MYO5A: variants seen among roughly 807,000 people sequenced by gnomAD.
The protein encoded by MYO5A is unconventional myosin-Va.
A neutral mutation model predicts 249.7 loss-of-function variants in MYO5A; 98 were observed. The observed-to-expected ratio is 0.39, with a 90% CI of 0.33 to 0.46. The LOEUF (loss-of-function observed/expected upper bound fraction) is 0.46, where lower values mean the gene tolerates loss of function less well. Among genes scored for constraint, MYO5A ranks in the 20% least tolerant of loss-of-function variants. The probability of loss-of-function intolerance (pLI) is 0.98; values close to 1 mark genes in which losing one functional copy is unlikely to be tolerated. For missense variants in MYO5A, 1,696 were observed against 2,308.8 expected (o/e 0.73, Z 5.44); for synonymous variants, 778 against 810.6 (o/e 0.96, Z 0.68).
intron 4 of MYO5A, among the ~76,000 whole-genome samples, chr15:52,423,166 C>T (rs2075318071): frequency 6.6e-6 from 1 of 152,110 alleles, no homozygotes; most frequent in Admixed American, 6.5e-5. Context: ...ATTGTACCTT[C>T]CCTGAAGACA....
chr15:52,448,139 G>A (rs530188876), intron 1 of MYO5A, among the ~76,000 whole-genome samples: 33 of 152,262 alleles, frequency 2.2e-4, no homozygotes, highest in Non-Finnish European at 4.3e-4. Flanking sequence ...GAGAGCAGCT[G>A]TGGGGTGGGG....
At chr15:52,332,296 C>T (rs1352785137) in intron 34 of MYO5A, among the ~76,000 whole-genome samples, 2 of 152,152 alleles carry the variant, frequency 1.3e-5, no homozygotes, top group Non-Finnish European at 2.9e-5. Flanking sequence ...TTATGAAATA[C>T]AGTATTTTAT....
intron 1 of MYO5A, among the ~76,000 whole-genome samples, chr15:52,474,908 A>C (rs986052090): frequency 2.0e-5 from 3 of 152,202 alleles, no homozygotes; most frequent in African/African-American, 7.2e-5. Flanking sequence ...TCATAAAATG[A>C]GTTAGGGAGG....
intron 1 of MYO5A, among the ~76,000 whole-genome samples, chr15:52,439,233 C>T (rs1266590812): frequency 6.6e-6 from 1 of 151,984 alleles, no homozygotes; most frequent in Non-Finnish European, 1.5e-5. Flanking sequence ...CTGCCACCAT[C>T]TTGGGAGCTC....
chr15:52,410,766 C>T (rs901826778), intron 5 of MYO5A, among the ~76,000 whole-genome samples: 3 of 151,858 alleles, frequency 2.0e-5, no homozygotes, highest in East Asian at 1.9e-4. Flanking sequence ...TTAGCAGAGA[C>T]GGGGTTTCAC....
chr15:52,319,600 G>A lies in MYO5A; in HGVS notation c.4952-258C>T, dbSNP rs1302948025. ...ACAAAAATTAGCCAGGCGTGGTAGCGTGTGCCTGTAATCCCAGCTACTCAG... is the reference window on the plus strand; with the variant it reads ...ACAAAAATTAGCCAGGCGTGGTAGCATGTGCCTGTAATCCCAGCTACTCAG... On this transcript the variant is annotated intron_variant, in intron 38 of 41. Coordinates refer to ENST00000399233, the MANE Select transcript of MYO5A (RefSeq NM_001382347.1). Among the ~76,000 whole-genome samples, 4 of 152,202 alleles carry A rather than the reference G, an allele frequency of 2.6e-5. No individual in the cohort carries two copies. The East Asian group carries it at 5.8e-4, about 22-fold the overall frequency.
chr15:52,357,889 A>G (rs2040327309), intron 25 of MYO5A, among the ~76,000 whole-genome samples: 1 of 152,218 alleles, frequency 6.6e-6, no homozygotes, highest in African/African-American at 2.4e-5. Context: ...CTAGTCTCTC[A>G]TCTGAGGAAA....
chr15:52,466,434 T>C (rs1275325081), intron 1 of MYO5A, among the ~76,000 whole-genome samples: 1 of 152,192 alleles, frequency 6.6e-6, no homozygotes, highest in African/African-American at 2.4e-5. Flanking sequence ...CAGTGACTCC[T>C]ATAGCCCAAG....
chr15:52,440,545 G>C (rs574390192), intron 1 of MYO5A, among the ~76,000 whole-genome samples: 36 of 152,308 alleles, frequency 2.4e-4, no homozygotes, highest in Non-Finnish European at 3.8e-4. Context: ...TAGGATTAAA[G>C]GCATGAGTCA....
At chr15:52,347,032 T>G (rs1455316501) in intron 29 of MYO5A, among the ~76,000 whole-genome samples, 1 of 152,096 alleles carries the variant, frequency 6.6e-6, no homozygotes, top group African/African-American at 2.4e-5. Flanking sequence ...TCTCTTTTCC[T>G]CTAGTATAAC....
Position 52,325,763 on chromosome 15 carries a change from A to C in MYO5A, c.4710+2089T>G, listed in dbSNP as rs142984800. Among the ~76,000 whole-genome samples the C allele has an allele frequency of 2.0e-3, 307 of 152,242 alleles. 1 individual carries two copies. The highest frequency in any genetic ancestry group is 6.8e-3 in the African/African-American group (281 of 41,546). On this transcript the variant is annotated intron_variant, in intron 36 of 41. Coordinates refer to ENST00000399233, the MANE Select transcript of MYO5A (RefSeq NM_001382347.1). ...AACACTAAGGGTATCCTCTGTCCAC[A>C]TGAAAATGAGATACTCTATATTACT...
intron 4 of MYO5A, among the ~76,000 whole-genome samples, chr15:52,422,604 C>T (rs1219802231): frequency 6.6e-6 from 1 of 152,196 alleles, no homozygotes; most frequent in African/African-American, 2.4e-5. Flanking sequence ...TTACCACCTC[C>T]ACTAATTAAA....
chr15:52,486,420 CTT>C (rs750531151), intron 1 of MYO5A, among the ~76,000 whole-genome samples: 1 of 152,234 alleles, frequency 6.6e-6, no homozygotes, highest in South Asian at 2.1e-4. Flanking sequence ...CTGGCCCCGA[CTT>C]TCATTCTCTC....
chr15:52,466,626 A>G (rs188682070), intron 1 of MYO5A, among the ~76,000 whole-genome samples: 189 of 152,352 alleles, frequency 1.2e-3, no homozygotes, highest in Middle Eastern at 0.01. Flanking sequence ...AGACATCAGC[A>G]TAACAGTGGT....
At chr15:52,431,348 C>G (rs2075531179) in intron 2 of MYO5A, among the ~76,000 whole-genome samples, 1 of 149,378 alleles carries the variant, frequency 6.7e-6, no homozygotes, top group African/African-American at 2.5e-5. Flanking sequence ...GGCAACATAG[C>G]AAGACAACCA....
At chr15:52,363,940 T>C (rs1455026427) in intron 24 of MYO5A, among the ~76,000 whole-genome samples, 1 of 152,122 alleles carries the variant, frequency 6.6e-6, no homozygotes, top group Non-Finnish European at 1.5e-5. Context: ...ATTCAATATA[T>C]AAAACAAAGT....
At chr15:52,420,762 T>C (rs2043747944) in intron 4 of MYO5A, among the ~76,000 whole-genome samples, 1 of 152,200 alleles carries the variant, frequency 6.6e-6, no homozygotes, top group African/African-American at 2.4e-5. Context: ...CAAGATATTC[T>C]AGGCTAAATA....
At chr15:52,323,608 A>C in intron 36 of MYO5A, 164 bp from the exon 37 acceptor site, 4 of 578,328 alleles carry the variant, frequency 6.9e-6, no homozygotes, top group African/African-American at 1.9e-5. Flanking sequence ...TGCTAGCAGA[A>C]TGTCAGCGAC....
intron 1 of MYO5A, among the ~76,000 whole-genome samples, chr15:52,450,825 T>C (rs2076000813): frequency 7.5e-6 from 1 of 132,614 alleles, no homozygotes; most frequent in Non-Finnish European, 1.6e-5. Flanking sequence ...ATTCTTATGA[T>C]TAGATTGCAC....
Sources: gnomAD v4.1 joint callset for allele counts (sites outside exome capture counted in the v4.1 genomes callset) on GRCh38, gnomAD v4.1.1 for gene constraint, MANE v1.5 for transcripts, NCBI Gene and HGNC (gene_info 2026-07-23, HGNC 2026-07-21) for gene names.